The following FPR3 variants were observed in gnomAD, a reference collection of about 807,000 sequenced individuals.
FPR3 encodes the protein formyl peptide receptor 3.
For synonymous variants in FPR3, 135 were observed against 163.6 expected, an observed-to-expected ratio of 0.83 and a Z score of 1.34; for missense variants, 346 against 443.2, an observed-to-expected ratio of 0.78 and a Z score of 1.97.
chr19:51,823,840 T>C lies in FPR3; in HGVS notation c.92T>C (p.Leu31Pro), dbSNP rs532790458. The C allele has an allele frequency of 2.5e-5, 40 of 1,614,044 alleles. No individual in the cohort carries two copies. In the South Asian group the frequency reaches 4.3e-4, roughly 17 times the overall value. Residue 31 changes from leucine to proline, a missense_variant, in exon 2 of 2, where the codon CTA (leucine) becomes CCA (proline). By Grantham distance (98) the Leu-to-Pro change is moderately conservative. Coordinates refer to ENST00000339223, the MANE Select transcript of FPR3 (RefSeq NM_002030.5). ...ACCGTTCTGTGGATCTTCTCATTGC[T>C]AGTCCACGGAGTCACCTTTGTCTTC... is the stretch of plus-strand genomic sequence containing the variant. ...GHTVLWIFSL[L>P]VHGVTFVFGV...
chr19:51,795,501 A>T lies in FPR3; in HGVS notation c.-11+170A>T, dbSNP rs867078655. ...TAATTTGGTTACATGTTCCAGTAAC[A>T]TTCTTTTTTTTTTTTTTTTTTTTTT... On this transcript the variant is annotated intron_variant, in intron 1 of 1. Transcript: ENST00000339223. Among the ~76,000 whole-genome samples the T allele has an allele frequency of 6.0e-4, 46 of 77,090 alleles. 2 individuals are homozygous for T. The highest frequency in any genetic ancestry group is 3.9e-3 in the Admixed American group (28 of 7,102). The allele number at this position is 77,090 out of a possible 152,430, so 50.6% of individuals were successfully genotyped here. A position where few individuals can be genotyped will look rare whatever the true frequency, so the allele number is the denominator to read the frequency against.
intron 1 of FPR3, among the ~76,000 whole-genome samples, chr19:51,801,498 C>T (rs943307801): frequency 2.0e-5 from 3 of 152,156 alleles, no homozygotes; most frequent in Non-Finnish European, 4.4e-5. Flanking sequence ...CTAACATTAG[C>T]GGCCGGACGC....
intron 1 of FPR3, among the ~76,000 whole-genome samples, chr19:51,813,280 T>A (rs890660317): frequency 6.6e-6 from 1 of 152,220 alleles, no homozygotes; most frequent in South Asian, 2.1e-4. Context: ...AGTCCTCACA[T>A]GGTAAAAGGG....
intron 1 of FPR3, among the ~76,000 whole-genome samples, chr19:51,820,743 T>G (rs1378207642): frequency 2.0e-5 from 3 of 152,196 alleles, no homozygotes; most frequent in Non-Finnish European, 4.4e-5. Flanking sequence ...GAGCTCCAAC[T>G]CTGGTTCTAC....
chr19:51,824,078 T>C lies in FPR3; in HGVS notation c.330T>C (p.Phe110=). 6.2e-7 allele frequency: 1 copy of C among 1,614,152 alleles called. No homozygotes were observed. The highest frequency in any genetic ancestry group is 8.5e-7 in the Non-Finnish European group (1 of 1,180,002). The change falls in exon 2 of 2, where the codon TTT becomes TTC. Residue 110 remains phenylalanine, a synonymous_variant. Transcript: ENST00000339223. The surrounding 1 kb of genome is among the most constrained non-coding windows in gnomAD (Gnocchi z 4.7). Reference sequence around the variant, plus strand: ...ATGTTATGATAGACATCAACCTGTTTGTCAGTGTCTACCTGATCACCATCA... The same window carrying C: ...ATGTTATGATAGACATCAACCTGTTCGTCAGTGTCTACCTGATCACCATCA... ...LVHVMIDINL[F]VSVYLITIIA...
intron 1 of FPR3, among the ~76,000 whole-genome samples, chr19:51,810,351 T>C (rs1307051051): frequency 6.6e-6 from 1 of 152,170 alleles, no homozygotes; most frequent in Non-Finnish European, 1.5e-5. Context: ...TCTGCAGCCG[T>C]GGTATGAGGA....
chr19:51,825,151 C>T lies in FPR3; in HGVS notation c.*341C>T, dbSNP rs1037259457. The T allele has an allele frequency of 2.9e-5, 7 of 239,540 alleles. No homozygotes were observed. The highest frequency in any genetic ancestry group is 1.6e-4 in the African/African-American group (7 of 43,724). 14.8% of individuals were successfully genotyped at this position (239,540 alleles called of 1,614,324 possible). On this transcript the variant is annotated 3_prime_UTR_variant, in exon 2 of 2. Transcript: ENST00000339223. ...CCAGCTTCAATCAGGGTTCCCACTA[C>T]CCCCTCTTTGGGGGTAGAGTGGCTC...
intron 1 of FPR3, among the ~76,000 whole-genome samples, chr19:51,820,542 C>T (rs1009312254): frequency 6.6e-6 from 1 of 152,152 alleles, no homozygotes; most frequent in Non-Finnish European, 1.5e-5. Flanking sequence ...TCTTGTTGGC[C>T]TGTCCCCACC....
At position 51,825,063 on chromosome 19, in the gene FPR3, C is replaced by T; in HGVS notation, c.*253C>T. ...TCCCACAGGTTTAAGGGCTCATTCC[C>T]CAAGTCTGCTCCTCCAGTTGAGACA... is the stretch of plus-strand genomic sequence containing the variant. On this transcript the variant is annotated 3_prime_UTR_variant, in exon 2 of 2. Coordinates refer to ENST00000339223, the MANE Select transcript of FPR3 (RefSeq NM_002030.5). 2.5e-6 allele frequency: 1 copy of T among 402,272 alleles called. No individual in the cohort carries two copies. The allele number at this position is 402,272 out of a possible 1,614,324, so 24.9% of individuals were successfully genotyped here.
intron 1 of FPR3, among the ~76,000 whole-genome samples, chr19:51,816,014 C>T (rs940627037): frequency 2.6e-5 from 4 of 151,606 alleles, no homozygotes; most frequent in African/African-American, 9.7e-5. Flanking sequence ...CTGCAGTGAG[C>T]TGTGACTGCA....
At chr19:51,817,516 G>T (rs369648947) in intron 1 of FPR3, among the ~76,000 whole-genome samples, 46 of 145,570 alleles carry the variant, frequency 3.2e-4, no homozygotes, top group African/African-American at 1.0e-3. Flanking sequence ...AATCTGTTTT[G>T]TTTTTTTTTT....
intron 1 of FPR3, among the ~76,000 whole-genome samples, chr19:51,821,296 G>A (rs2084186959): frequency 1.3e-5 from 2 of 152,214 alleles, no homozygotes; most frequent in African/African-American, 4.8e-5. Context: ...CCAAAGCCCA[G>A]TGTTCTTTAC....
chr19:51,817,406 A>C (rs1329284605), intron 1 of FPR3, among the ~76,000 whole-genome samples: 1 of 152,220 alleles, frequency 6.6e-6, no homozygotes, highest in Non-Finnish European at 1.5e-5. Context: ...AGAGAGAGAG[A>C]GAAAATAGCC....
intron 1 of FPR3, among the ~76,000 whole-genome samples, chr19:51,809,316 G>A (rs931932426): frequency 1.3e-5 from 2 of 152,192 alleles, no homozygotes; most frequent in Non-Finnish European, 2.9e-5. Flanking sequence ...TAGGGATGTA[G>A]AAGTTAATTG....
At chr19:51,804,123 T>C (rs1158802382) in intron 1 of FPR3, 1 of 152,176 alleles carries the variant, frequency 6.6e-6, no homozygotes, top group East Asian at 1.9e-4. Context: ...CCTTCTTCAC[T>C]GCAGTGAATG....
intron 1 of FPR3, among the ~76,000 whole-genome samples, chr19:51,814,727 G>A (rs1010519998): frequency 1.3e-5 from 2 of 151,932 alleles, no homozygotes; most frequent in East Asian, 3.9e-4. Flanking sequence ...CTCCTGACTC[G>A]GGTGATCTGC....
chr19:51,810,427 C>CATG (rs1413069667), intron 1 of FPR3, among the ~76,000 whole-genome samples: 1 of 152,160 alleles, frequency 6.6e-6, no homozygotes, highest in Non-Finnish European at 1.5e-5. Flanking sequence ...GTGACCCTTG[C>CATG]ATATGTAAAA....
intron 1 of FPR3, among the ~76,000 whole-genome samples, chr19:51,808,153 G>A (rs1264888472): frequency 4.6e-5 from 7 of 152,330 alleles, no homozygotes; most frequent in Admixed American, 3.9e-4. Flanking sequence ...GAATCTCCGT[G>A]CAGGGTTTGG....
chr19:51,811,382 G>A (rs56408717), intron 1 of FPR3: 17,797 of 152,046 alleles, frequency 0.12, 1,310 homozygotes, highest in South Asian at 0.29. Context: ...TTCAGTAGAC[G>A]AATTCTGCCC....
Sources: allele counts gnomAD v4.1 joint callset (sites outside exome capture counted in the v4.1 genomes callset), GRCh38; gene constraint gnomAD v4.1.1; non-coding constraint Gnocchi (gnomAD v3.1); transcripts MANE v1.5; gene names NCBI Gene and HGNC (gene_info 2026-07-23, HGNC 2026-07-21).